SLC9A9: variants seen among roughly 807,000 people sequenced by gnomAD.
SLC9A9 encodes the protein sodium/hydrogen exchanger 9.
Under a neutral mutation model 77.8 loss-of-function variants are expected in SLC9A9, and 62 were observed. That is an observed-to-expected ratio of 0.80 (90% CI 0.65 to 0.98). The LOEUF is 0.98. SLC9A9 is among the 50% of genes least tolerant of loss of function. SLC9A9 has a pLI of 0.00. For synonymous variants in SLC9A9, 320 were observed against 283.5 expected (o/e 1.13, Z -1.29); for missense variants, 775 against 774.9 (o/e 1.00, Z 0.00).
At chr3:143,684,616 T>C (rs1170005067) in intron 5 of SLC9A9, among the ~76,000 whole-genome samples, 1 of 152,064 alleles carries the variant, frequency 6.6e-6, no homozygotes, top group African/African-American at 2.4e-5. Context: ...GCTGAGATTG[T>C]CAGGCTTAAG....
intron 11 of SLC9A9, among the ~76,000 whole-genome samples, chr3:143,477,874 T>A (rs1463638433): frequency 6.6e-6 from 1 of 152,204 alleles, no homozygotes; most frequent in African/African-American, 2.4e-5. Context: ...ATGTGAGTTC[T>A]AAGGACAGTT....
intron 9 of SLC9A9, among the ~76,000 whole-genome samples, chr3:143,516,180 CT>C (rs2036200080): frequency 6.6e-6 from 1 of 152,088 alleles, no homozygotes; most frequent in African/African-American, 2.4e-5. Flanking sequence ...CATGTTCTTA[CT>C]TTTTAATCTC....
chr3:143,424,862 T>A (rs1011715241), intron 12 of SLC9A9, among the ~76,000 whole-genome samples: 1 of 152,196 alleles, frequency 6.6e-6, no homozygotes, highest in Non-Finnish European at 1.5e-5. Context: ...GTTATCTGTG[T>A]CCCAATTTCC....
chr3:143,517,902 TCTC>T, intron 9 of SLC9A9: 2 of 1,526,374 alleles, frequency 1.3e-6, no homozygotes, highest in Non-Finnish European at 1.8e-6. Context: ...TGATCCATCA[TCTC>T]CTCCGTTATC....
intron 14 of SLC9A9, among the ~76,000 whole-genome samples, chr3:143,361,159 C>A (rs532575911): frequency 6.6e-6 from 1 of 152,352 alleles, no homozygotes; most frequent in Admixed American, 6.5e-5. Context: ...TAAAGTACTT[C>A]TGCTGATTCT....
intron 5 of SLC9A9, among the ~76,000 whole-genome samples, chr3:143,670,458 G>T (rs530345938): frequency 6.6e-6 from 1 of 152,302 alleles, no homozygotes; most frequent in Non-Finnish European, 1.5e-5. Flanking sequence ...AAATGCATAT[G>T]CCCTTGTTTT....
intron 4 of SLC9A9, among the ~76,000 whole-genome samples, chr3:143,762,210 AG>A (rs2007153153): frequency 6.6e-6 from 1 of 152,150 alleles, no homozygotes; most frequent in Admixed American, 6.5e-5. Context: ...GGGAGGGGGA[AG>A]GGATAGCATT....
At chr3:143,729,255 C>G (rs1934742303) in intron 4 of SLC9A9, among the ~76,000 whole-genome samples, 1 of 152,172 alleles carries the variant, frequency 6.6e-6, no homozygotes, top group Non-Finnish European at 1.5e-5. Flanking sequence ...TGTGTTGGCC[C>G]TGGAATCTGA....
Position 143,432,636 on chromosome 3 carries a change from A to G in SLC9A9, c.1469+34401T>C, listed in dbSNP as rs181268534. Among the ~76,000 whole-genome samples, 269 of 152,078 alleles carry G rather than the reference A, an allele frequency of 1.8e-3. 1 individual carries two copies. The highest frequency in any genetic ancestry group is 6.3e-3 in the African/African-American group (262 of 41,482). The stretch of plus-strand genomic sequence containing the variant: ...TGGCCACCTGGCTGATCTTGCCCAC[A>G]TTATTTTTTTGAGACGGAGTCTCAT... On this transcript the variant is annotated intron_variant, in intron 12 of 15. Coordinates refer to ENST00000316549, the MANE Select transcript of SLC9A9 (RefSeq NM_173653.4).
At chr3:143,474,471 C>T in intron 11 of SLC9A9, among the ~76,000 whole-genome samples, 1 of 152,016 alleles carries the variant, frequency 6.6e-6, no homozygotes, top group East Asian at 1.9e-4. Flanking sequence ...GAATGCAGAT[C>T]AGACCACTGA....
At chr3:143,804,713 C>CACG (rs1252109745) in intron 2 of SLC9A9, among the ~76,000 whole-genome samples, 1 of 152,116 alleles carries the variant, frequency 6.6e-6, no homozygotes, top group Non-Finnish European at 1.5e-5. Flanking sequence ...ATGACACCAA[C>CACG]ACGACAAAAA....
At chr3:143,623,893 G>C (rs2038268543) in intron 6 of SLC9A9, among the ~76,000 whole-genome samples, 1 of 152,032 alleles carries the variant, frequency 6.6e-6, no homozygotes, top group African/African-American at 2.4e-5. Flanking sequence ...AGAAAAGAGA[G>C]AAGAATCAAA....
chr3:143,459,654 C>T (rs1469552130), intron 12 of SLC9A9, among the ~76,000 whole-genome samples: 2 of 152,004 alleles, frequency 1.3e-5, no homozygotes, highest in African/African-American at 4.8e-5. Flanking sequence ...ATTTTGAGCT[C>T]GAAAATTTAT....
chr3:143,411,028 C>T (rs560320470), intron 12 of SLC9A9, among the ~76,000 whole-genome samples: 13 of 152,134 alleles, frequency 8.5e-5, no homozygotes, highest in Non-Finnish European at 1.8e-4. Flanking sequence ...ACTCTTTTGT[C>T]CTTCCAGCTG....
intron 5 of SLC9A9, among the ~76,000 whole-genome samples, chr3:143,664,181 T>A (rs901711936): frequency 5.9e-5 from 9 of 152,188 alleles, no homozygotes; most frequent in Admixed American, 2.0e-4. Flanking sequence ...ATATTCAACA[T>A]TCTTAAAGAA....
chr3:143,634,007 C>A (rs747619021), intron 6 of SLC9A9, among the ~76,000 whole-genome samples: 2 of 152,206 alleles, frequency 1.3e-5, no homozygotes, highest in South Asian at 2.1e-4. Flanking sequence ...GTTTCACATT[C>A]TTTCCCTCAG....
At chr3:143,471,194 A>G (rs1395732420) in intron 11 of SLC9A9, among the ~76,000 whole-genome samples, 1 of 152,234 alleles carries the variant, frequency 6.6e-6, no homozygotes, top group African/African-American at 2.4e-5. Context: ...CACGGGGCTG[A>G]GAATGGTGAG....
At chr3:143,627,913 A>C (rs1211130513) in intron 6 of SLC9A9, among the ~76,000 whole-genome samples, 1 of 152,278 alleles carries the variant, frequency 6.6e-6, no homozygotes, top group East Asian at 1.9e-4. Context: ...GGAAGCTGGT[A>C]ATGAATGAGC....
At chr3:143,458,854 G>C (rs2035138523) in intron 12 of SLC9A9, among the ~76,000 whole-genome samples, 1 of 151,940 alleles carries the variant, frequency 6.6e-6, no homozygotes, top group Non-Finnish European at 1.5e-5. Context: ...CATTCCTGCT[G>C]TTCCAAGATT....
Sources: allele counts gnomAD v4.1 joint callset (sites outside exome capture counted in the v4.1 genomes callset), GRCh38; gene constraint gnomAD v4.1.1; transcripts MANE v1.5; gene names NCBI Gene and HGNC (gene_info 2026-07-23, HGNC 2026-07-21).